The following URI1 variants were observed in gnomAD, a reference collection of about 807,000 sequenced individuals.
URI1 encodes unconventional prefoldin RPB5 interactor 1.
URI1 carries 39 observed loss-of-function variants against 60.2 expected under a neutral mutation model. The observed-to-expected ratio is 0.65, with a 90% CI of 0.50 to 0.85. The LOEUF (loss-of-function observed/expected upper bound fraction) is 0.85, where lower values mean the gene tolerates loss of function less well. Ranked by LOEUF, URI1 falls within the 40% of genes least tolerant of loss-of-function variation. The probability of loss-of-function intolerance (pLI) is 0.00; values close to 1 mark genes in which losing one functional copy is unlikely to be tolerated. For missense variants in URI1, 691 were observed against 665.9 expected (o/e 1.04, Z -0.42); for synonymous variants, 251 against 236.8 (o/e 1.06, Z -0.55).
At position 30,016,411 on chromosome 19, in the gene URI1, A is replaced by C. The variant is rs1383405478; in HGVS notation, c.*1342A>C. 6.6e-6 allele frequency: 1 copy of C among 152,156 alleles called. No homozygotes were observed. The highest frequency in any genetic ancestry group is 1.9e-4 in the East Asian group (1 of 5,200). The allele number at this position is 152,156 out of a possible 1,614,324, so 9.4% of individuals were successfully genotyped here. A position where few individuals can be genotyped will look rare whatever the true frequency, so the allele number is the denominator to read the frequency against. ...CATATATTTTGTAGGTAAATCTTTC[A>C]GTCCATGCCCCAACCCTCACCAAAA... On this transcript the variant is annotated 3_prime_UTR_variant, in exon 11 of 11. Transcript: ENST00000392271.
intron 1 of URI1, 195 bp from the exon 2 acceptor site, chr19:29,970,998 C>T (rs1281953861): frequency 1.2e-5 from 7 of 567,792 alleles, no homozygotes; most frequent in Admixed American, 3.1e-5. Flanking sequence ...AGTTATCAGC[C>T]TGCATTAGAG....
chr19:30,015,546 T>C lies in URI1; in HGVS notation c.*477T>C. Reference sequence around the variant, plus strand: ...CTACTTCTCTTGTAGGTTTTGCGGCTAGTTGGCTATTCAAGAAACCTCGCC... The same window carrying C: ...CTACTTCTCTTGTAGGTTTTGCGGCCAGTTGGCTATTCAAGAAACCTCGCC... On this transcript the variant is annotated 3_prime_UTR_variant, in exon 11 of 11. Transcript: ENST00000392271. 2.6e-6 allele frequency: 4 copies of C among 1,535,262 alleles called. No individual in the cohort carries two copies. The highest frequency in any genetic ancestry group is 3.5e-6 in the Non-Finnish European group (4 of 1,146,402).
chr19:29,957,943 T>G lies in URI1; in HGVS notation c.118-13250T>G, dbSNP rs1030777146. On this transcript the variant is annotated intron_variant, in intron 1 of 10. Transcript: ENST00000392271. ...ATACTTGATTTTTACATATTGACTTTGTTCTAAAATTTTTTGTTGTTGTTA... is the reference window on the plus strand; with the variant it reads ...ATACTTGATTTTTACATATTGACTTGGTTCTAAAATTTTTTGTTGTTGTTA... The G allele has an allele frequency of 3.3e-5, 5 of 152,030 alleles. No homozygotes were observed. The East Asian group carries it at 9.6e-4, about 29-fold the overall frequency. 9.4% of individuals were successfully genotyped at this position (152,030 alleles called of 1,614,324 possible).
At chr19:29,999,678 C>T (rs2055854127) in intron 4 of URI1, among the ~76,000 whole-genome samples, 1 of 151,980 alleles carries the variant, frequency 6.6e-6, no homozygotes, top group African/African-American at 2.4e-5. Flanking sequence ...ACTTGGATTT[C>T]GTTGAGCTTC....
At chr19:29,945,324 TCTTTCTTTTTTTC>T (rs2055089796) in intron 1 of URI1, among the ~76,000 whole-genome samples, 3 of 152,214 alleles carry the variant, frequency 2.0e-5, no homozygotes. Context: ...TTAGTTTTGC[TCTTTCTTTTTTTC>T]CAAATTCAGC....
chr19:29,994,054 T>G (rs2055780045), intron 4 of URI1, among the ~76,000 whole-genome samples: 2 of 146,734 alleles, frequency 1.4e-5, no homozygotes, highest in South Asian at 4.3e-4. Context: ...GTGAATAACC[T>G]CTGTGTGTAT....
At chr19:29,927,802 C>T (rs936743034) in intron 1 of URI1, among the ~76,000 whole-genome samples, 4 of 151,872 alleles carry the variant, frequency 2.6e-5, no homozygotes, top group African/African-American at 9.7e-5. Flanking sequence ...GTCTCAAACT[C>T]CTGACCTCAA....
At chr19:29,957,564 A>G (rs1402768079) in intron 1 of URI1, among the ~76,000 whole-genome samples, 1 of 152,194 alleles carries the variant, frequency 6.6e-6, no homozygotes, top group Non-Finnish European at 1.5e-5. Flanking sequence ...GATATCTAGT[A>G]GTAAAATTCC....
intron 1 of URI1, among the ~76,000 whole-genome samples, chr19:29,967,335 C>A (rs1200577481): frequency 6.6e-6 from 1 of 152,064 alleles, no homozygotes; most frequent in Admixed American, 6.5e-5. Flanking sequence ...AGGTGTCTAA[C>A]CCTATTAATT....
At chr19:29,943,946 G>A (rs188806239) in intron 1 of URI1, among the ~76,000 whole-genome samples, 3 of 151,144 alleles carry the variant, frequency 2.0e-5, no homozygotes, top group East Asian at 2.0e-4. Flanking sequence ...ATCAGCCTGG[G>A]CAACACAGGG....
chr19:29,984,543 T>C (rs1477229125), intron 2 of URI1, among the ~76,000 whole-genome samples: 1 of 152,214 alleles, frequency 6.6e-6, no homozygotes, highest in Admixed American at 6.5e-5. Context: ...GATAGTCTTG[T>C]ATCTTAAAAA....
At chr19:29,928,956 T>A (rs1320458748) in intron 1 of URI1, among the ~76,000 whole-genome samples, 1 of 152,200 alleles carries the variant, frequency 6.6e-6, no homozygotes, top group East Asian at 1.9e-4. Flanking sequence ...AGGCTCTTCC[T>A]CTTATTTAGA....
At chr19:29,987,216 G>A (rs1277648396) in intron 4 of URI1, among the ~76,000 whole-genome samples, 1 of 152,126 alleles carries the variant, frequency 6.6e-6, no homozygotes, top group African/African-American at 2.4e-5. Context: ...AGTTAAATGT[G>A]TATTTGAAAA....
intron 4 of URI1, among the ~76,000 whole-genome samples, chr19:29,998,047 C>T (rs905789673): frequency 1.3e-5 from 2 of 152,014 alleles, no homozygotes; most frequent in African/African-American, 4.8e-5. Context: ...GCCACTGTGC[C>T]CAGCCATATT....
intron 1 of URI1, among the ~76,000 whole-genome samples, chr19:29,934,657 T>C (rs1599648920): frequency 6.6e-6 from 1 of 152,216 alleles, no homozygotes; most frequent in African/African-American, 2.4e-5. Flanking sequence ...TGCCTTAGCC[T>C]CCCAAGTCGC....
At chr19:29,998,915 A>AT (rs914464872) in intron 4 of URI1, among the ~76,000 whole-genome samples, 137 of 149,794 alleles carry the variant, frequency 9.1e-4, no homozygotes, top group Admixed American at 3.2e-3. Context: ...TTTGTGTTTG[A>AT]TTTTTTTTTA....
At chr19:29,991,813 G>GA (rs2055750441) in intron 4 of URI1, among the ~76,000 whole-genome samples, 1 of 152,090 alleles carries the variant, frequency 6.6e-6, no homozygotes. Context: ...TTTTTTAAAT[G>GA]AAAATATGTT....
rs747609643 is a variant in URI1 at position 29,924,239 on chromosome 19, G to T, written c.63+485G>T. Among the ~76,000 whole-genome samples, 4 of 152,104 alleles carry T rather than the reference G, an allele frequency of 2.6e-5. No homozygotes were observed. The South Asian group carries it at 8.3e-4, about 32-fold the overall frequency. ...CCTCCCAGATGCACCCAGAAATAAT[G>T]TTGCACCTGCTATCTGGGTATCCCT... On this transcript the variant is annotated intron_variant, in intron 1 of 10. Transcript: ENST00000360605.
At chr19:29,932,454 T>C (rs2054929405) in intron 1 of URI1, among the ~76,000 whole-genome samples, 1 of 151,746 alleles carries the variant, frequency 6.6e-6, no homozygotes, top group Non-Finnish European at 1.5e-5. Flanking sequence ...GTAACTGGGA[T>C]TACAGGTGTC....
Sources: allele counts gnomAD v4.1 joint callset (sites outside exome capture counted in the v4.1 genomes callset), GRCh38; gene constraint gnomAD v4.1.1; transcripts MANE v1.5; gene names NCBI Gene and HGNC (gene_info 2026-07-23, HGNC 2026-07-21).